The following VPS13B variants were observed in gnomAD, a reference collection of about 807,000 sequenced individuals.
VPS13B encodes intermembrane lipid transfer protein VPS13B.
VPS13B carries 285 observed loss-of-function variants against 426.4 expected under a neutral mutation model. That is an observed-to-expected ratio of 0.67 (90% CI 0.61 to 0.74). VPS13B has a LOEUF of 0.74. Ranked by LOEUF, VPS13B falls within the 30% of genes least tolerant of loss-of-function variation. The pLI is 0.00. For missense variants in VPS13B, 4,537 were observed against 4,782.6 expected (o/e 0.95, Z 1.51); for synonymous variants, 1,676 against 1,676.4 (o/e 1.00, Z 0.01).
chr8:99,170,186 T>C (rs1259614730), intron 16 of VPS13B, 23 bp downstream of exon 16: 1 of 1,610,894 alleles, frequency 6.2e-7, no homozygotes, highest in Admixed American at 1.7e-5. Flanking sequence ...TGTTAAAATG[T>C]GATTTATGTT....
intron 59 of VPS13B, 128 bp downstream of exon 59, chr8:99,868,593 CT>C: frequency 9.2e-7 from 1 of 1,083,718 alleles, no homozygotes; most frequent in Non-Finnish European, 1.4e-6. Flanking sequence ...CCTCTCTATG[CT>C]TATTTACACA....
At chr8:99,845,680 A>G (rs960504864) in intron 54 of VPS13B, among the ~76,000 whole-genome samples, 17 of 152,222 alleles carry the variant, frequency 1.1e-4, no homozygotes, top group Admixed American at 1.1e-3. Context: ...GTACTACACA[A>G]GGGCATGGAT....
intron 33 of VPS13B, among the ~76,000 whole-genome samples, chr8:99,609,415 AG>A (rs1196774290): frequency 6.6e-6 from 1 of 152,186 alleles, no homozygotes; most frequent in African/African-American, 2.4e-5. Context: ...TTTGCTTAAA[AG>A]CTTAAATTTT....
At chr8:99,247,977 G>C (rs1817311420) in intron 17 of VPS13B, among the ~76,000 whole-genome samples, 1 of 152,106 alleles carries the variant, frequency 6.6e-6, no homozygotes, top group Non-Finnish European at 1.5e-5. Context: ...TACATACACT[G>C]TTCCTAAGTG....
chr8:99,651,566 C>G (rs1829814191), intron 34 of VPS13B, among the ~76,000 whole-genome samples: 1 of 152,136 alleles, frequency 6.6e-6, no homozygotes, highest in African/African-American at 2.4e-5. Flanking sequence ...GATCTTCTGC[C>G]AGCACCTTTA....
At chr8:99,198,085 T>C (rs1814052497) in intron 17 of VPS13B, among the ~76,000 whole-genome samples, 1 of 152,150 alleles carries the variant, frequency 6.6e-6, no homozygotes, top group Admixed American at 6.5e-5. Flanking sequence ...CAAAAAACGT[T>C]TTAATTTGAT....
chr8:99,809,834 C>G (rs1243362304), intron 44 of VPS13B, among the ~76,000 whole-genome samples: 2 of 152,090 alleles, frequency 1.3e-5, no homozygotes, highest in Non-Finnish European at 2.9e-5. Flanking sequence ...TGTGAAATAG[C>G]CAAAAGTCCT....
intron 23 of VPS13B, among the ~76,000 whole-genome samples, chr8:99,455,848 C>T (rs1818427196): frequency 6.6e-6 from 1 of 152,158 alleles, no homozygotes; most frequent in Non-Finnish European, 1.5e-5. Flanking sequence ...GATTATGCTA[C>T]ATTTTATCAA....
At chr8:99,471,057 C>T (rs1819378203) in intron 24 of VPS13B, among the ~76,000 whole-genome samples, 1 of 151,808 alleles carries the variant, frequency 6.6e-6, no homozygotes, top group Admixed American at 6.6e-5. Flanking sequence ...TGAAGATACC[C>T]CACAGAAATG....
rs758685660 is a variant in VPS13B, at chr8:99,819,548, C to CGAA, written c.8758_8759insGAA (p.Pro2920delinsArgThr). The CGAA allele has an allele frequency of 1.2e-5, 20 of 1,613,750 alleles. No individual in the cohort carries two copies. The highest frequency in any genetic ancestry group is 1.7e-5 in the Non-Finnish European group (20 of 1,179,840). On this transcript the variant is annotated protein_altering_variant, in exon 48 of 62. Coordinates refer to ENST00000357162, the MANE Select transcript of VPS13B (RefSeq NM_152564.5). ...CTATGGGCCAGAAAAGTCGCTTCAA[C>CGAA]CCATATGGCCCTATAATAAGAAGGA...
At chr8:99,564,678 A>C (rs1332001117) in intron 31 of VPS13B, among the ~76,000 whole-genome samples, 2 of 152,212 alleles carry the variant, frequency 1.3e-5, no homozygotes, top group African/African-American at 4.8e-5. Flanking sequence ...CCATCTTCCA[A>C]ATGTTGTTAA....
intron 19 of VPS13B, among the ~76,000 whole-genome samples, chr8:99,327,554 G>T: frequency 6.6e-6 from 1 of 151,814 alleles, no homozygotes. Context: ...AGCACATGGG[G>T]TTAATTAAAA....
At chr8:99,761,041 T>G (rs1012291213) in intron 39 of VPS13B, among the ~76,000 whole-genome samples, 1 of 152,206 alleles carries the variant, frequency 6.6e-6, no homozygotes, top group African/African-American at 2.4e-5. Context: ...GATGATTATA[T>G]ATTCTTATAA....
At chr8:99,107,880 T>C (rs865934168) in intron 5 of VPS13B, among the ~76,000 whole-genome samples, 16 of 152,232 alleles carry the variant, frequency 1.1e-4, no homozygotes, top group African/African-American at 3.9e-4. Context: ...AGGGTACATG[T>C]GCAGGTCTGT....
intron 19 of VPS13B, among the ~76,000 whole-genome samples, chr8:99,373,292 C>T (rs983006116): frequency 4.7e-5 from 7 of 150,438 alleles, no homozygotes; most frequent in East Asian, 2.0e-4. Context: ...AACAAACCTG[C>T]GTTTTGCACA....
chr8:99,809,845 T>G (rs1396220687), intron 44 of VPS13B, among the ~76,000 whole-genome samples: 1 of 152,068 alleles, frequency 6.6e-6, no homozygotes, highest in Non-Finnish European at 1.5e-5. Context: ...CAAAAGTCCT[T>G]TATTGAGAAG....
intron 23 of VPS13B, among the ~76,000 whole-genome samples, chr8:99,451,221 T>C (rs1419444974): frequency 6.6e-6 from 1 of 152,180 alleles, no homozygotes; most frequent in East Asian, 1.9e-4. Flanking sequence ...TTTTTTTCTT[T>C]TAATTCCTAA....
At chr8:99,454,123 C>T (rs1334952264) in intron 23 of VPS13B, among the ~76,000 whole-genome samples, 3 of 152,136 alleles carry the variant, frequency 2.0e-5, no homozygotes, top group African/African-American at 7.2e-5. Flanking sequence ...ATAACTTTTT[C>T]ATATGGGATT....
intron 36 of VPS13B, among the ~76,000 whole-genome samples, chr8:99,700,610 G>A (rs1368614882): frequency 1.3e-5 from 2 of 152,228 alleles, no homozygotes; most frequent in Non-Finnish European, 2.9e-5. Context: ...GTGGGGTACA[G>A]ACTCTGCAAA....
Sources: allele counts gnomAD v4.1 joint callset (sites outside exome capture counted in the v4.1 genomes callset), GRCh38; gene constraint gnomAD v4.1.1; transcripts MANE v1.5; gene names NCBI Gene and HGNC (gene_info 2026-07-23, HGNC 2026-07-21).